The following ITGBL1 variants were observed in gnomAD, a reference collection of about 807,000 sequenced individuals.
The protein encoded by ITGBL1 is integrin beta-like protein 1.
ITGBL1 carries 51 observed loss-of-function variants against 68.5 expected under a neutral mutation model. The observed-to-expected ratio is 0.74, with a 90% CI of 0.59 to 0.94. ITGBL1 has a LOEUF of 0.94. Among genes scored for constraint, ITGBL1 ranks in the 40% least tolerant of loss-of-function variants. The pLI is 0.00. For missense variants in ITGBL1, 649 were observed against 647.4 expected, an observed-to-expected ratio of 1.00 and a Z score of -0.03; for synonymous variants, 209 against 227.3, an observed-to-expected ratio of 0.92 and a Z score of 0.72.
At chr13:101,619,790 T>G (rs528302543) in intron 7 of ITGBL1, among the ~76,000 whole-genome samples, 2 of 152,208 alleles carry the variant, frequency 1.3e-5, no homozygotes, top group African/African-American at 4.8e-5. Flanking sequence ...AAAAGAATTA[T>G]GTATAAAAGA....
chr13:101,581,931 A>G (rs2050464625), intron 5 of ITGBL1, among the ~76,000 whole-genome samples: 1 of 152,284 alleles, frequency 6.6e-6, no homozygotes, highest in East Asian at 1.9e-4. Flanking sequence ...CCGAGTCTGG[A>G]TCCAACAATA....
intron 2 of ITGBL1, among the ~76,000 whole-genome samples, chr13:101,559,310 G>C (rs1297211829): frequency 6.6e-6 from 1 of 152,112 alleles, no homozygotes. Context: ...ATATAGTATG[G>C]GATTTTGCAG....
intron 6 of ITGBL1, among the ~76,000 whole-genome samples, chr13:101,594,700 T>G (rs2050713718): frequency 6.6e-6 from 1 of 152,184 alleles, no homozygotes; most frequent in African/African-American, 2.4e-5. Flanking sequence ...GGGGTTAATA[T>G]TCAAAATATA....
At chr13:101,608,372 C>CT (rs34696802) in intron 7 of ITGBL1, among the ~76,000 whole-genome samples, 3,432 of 144,008 alleles carry the variant, frequency 0.024, 47 homozygotes, top group East Asian at 0.11. Flanking sequence ...GCTTTCTTTC[C>CT]TTTTTTTTTT....
intron 7 of ITGBL1, among the ~76,000 whole-genome samples, chr13:101,665,247 T>C (rs1274727084): frequency 6.6e-6 from 1 of 152,194 alleles, no homozygotes; most frequent in Non-Finnish European, 1.5e-5. Flanking sequence ...TTGACAGAAT[T>C]GACAGCATTG....
At chr13:101,579,576 C>A in intron 5 of ITGBL1, 149 bp downstream of exon 5, 3 of 836,412 alleles carry the variant, frequency 3.6e-6, no homozygotes, top group Non-Finnish European at 5.5e-6. Flanking sequence ...ACTATCCCAA[C>A]AATCTTTTCT....
At chr13:101,534,528 T>C (rs2049537457) in intron 2 of ITGBL1, among the ~76,000 whole-genome samples, 1 of 152,016 alleles carries the variant, frequency 6.6e-6, no homozygotes, top group Non-Finnish European at 1.5e-5. Flanking sequence ...CTGTTTCCTC[T>C]AAAAATGGAA....
At chr13:101,495,464 CT>C (rs985347612) in intron 2 of ITGBL1, among the ~76,000 whole-genome samples, 4 of 152,158 alleles carry the variant, frequency 2.6e-5, no homozygotes, top group Admixed American at 1.3e-4. Flanking sequence ...TTGTTCTCAT[CT>C]CATCCCCTCA....
At chr13:101,710,470 C>G (rs1242857391) in intron 9 of ITGBL1, among the ~76,000 whole-genome samples, 1 of 152,130 alleles carries the variant, frequency 6.6e-6, no homozygotes, top group Non-Finnish European at 1.5e-5. Flanking sequence ...ACCCTGAGAA[C>G]CACAGGAAAA....
Position 101,716,203 on chromosome 13 carries a change from A to G in ITGBL1, c.*549A>G, listed in dbSNP as rs1011420903. 4 of 152,264 alleles carry G rather than the reference A, an allele frequency of 2.6e-5. No individual in the cohort carries two copies. Among genetic ancestry groups the G allele is most frequent in the African/African-American group, 9.7e-5 (4 of 41,446 alleles). 9.4% of individuals were successfully genotyped at this position (152,264 alleles called of 1,614,324 possible). A position where few individuals can be genotyped will look rare whatever the true frequency, so the allele number is the denominator to read the frequency against. On this transcript the variant is annotated 3_prime_UTR_variant, in exon 11 of 11. Transcript: ENST00000376180. ...TAATTAATCGATCAGATTTTTCCAG[A>G]ATTCCGTATCAGTCACCATTTTAAT...
At chr13:101,676,747 A>C (rs1427844852) in intron 7 of ITGBL1, among the ~76,000 whole-genome samples, 1 of 152,206 alleles carries the variant, frequency 6.6e-6, no homozygotes, top group East Asian at 1.9e-4. Flanking sequence ...AAAAATTCCA[A>C]TAGGACTTTA....
chr13:101,687,996 T>C (rs2033794620), intron 7 of ITGBL1, among the ~76,000 whole-genome samples: 1 of 152,102 alleles, frequency 6.6e-6, no homozygotes, highest in South Asian at 2.1e-4. Context: ...TAATTTGGTA[T>C]TGATTTCAGA....
Position 101,567,703 on chromosome 13 carries a change from T to A in ITGBL1, c.321T>A (p.His107Gln). The change falls in exon 3 of 11, where the codon CAT becomes CAA. Residue 107 changes from histidine (H) to glutamine (Q), a missense_variant. Physicochemically the swap from His to Gln is conservative, Grantham distance 24 (BLOSUM62 0). Transcript: ENST00000376180. ...TAGATGTTGTTCAATCCCCAGGCCA[T>A]GGTAAGTGTGACTGTGGCAAGTGCA... ...ETYDGSTCAG[H>Q]GKCDCGKCKC... The A allele has an allele frequency of 6.2e-7, 1 of 1,612,758 alleles. No homozygotes were observed. Among genetic ancestry groups the A allele is most frequent in the Non-Finnish European group, 8.5e-7 (1 of 1,179,232 alleles).
Position 101,453,892 on chromosome 13 carries a change from G to C in ITGBL1, c.108G>C (p.Pro36=), listed in dbSNP as rs1017422336. Residue 36 remains proline, a synonymous_variant, in exon 2 of 11, where the codon CCG becomes CCC. Coordinates refer to ENST00000376180, the MANE Select transcript of ITGBL1 (RefSeq NM_004791.3). ...QSFSPSLRSW[P]GAACRLSRAE... is the part of the protein sequence containing the mutation. ...CTTGTCGCCCGCGCAGGAGCTGGCC[G>C]GGCGCCGCCTGCAGGCTGTCCCGGG... 8.8e-6 allele frequency: 11 copies of C among 1,246,496 alleles called. No individual in the cohort carries two copies. Among genetic ancestry groups the C allele is most frequent in the Non-Finnish European group, 1.0e-5 (10 of 996,430 alleles). 77.2% of individuals were successfully genotyped at this position (1,246,496 alleles called of 1,614,324 possible). A position where few individuals can be genotyped will look rare whatever the true frequency, so the allele number is the denominator to read the frequency against.
intron 7 of ITGBL1, among the ~76,000 whole-genome samples, chr13:101,615,945 T>G (rs2031341711): frequency 6.6e-6 from 1 of 152,186 alleles, no homozygotes; most frequent in African/African-American, 2.4e-5. Flanking sequence ...TGGCTTGATC[T>G]TGGACTTCCC....
chr13:101,559,300 A>T (rs2050062415), intron 2 of ITGBL1, among the ~76,000 whole-genome samples: 1 of 152,140 alleles, frequency 6.6e-6, no homozygotes, highest in Non-Finnish European at 1.5e-5. Context: ...ATAATTGAGG[A>T]TATAGTATGG....
chr13:101,466,860 T>C (rs2048388585), intron 2 of ITGBL1, among the ~76,000 whole-genome samples: 1 of 152,178 alleles, frequency 6.6e-6, no homozygotes, highest in Non-Finnish European at 1.5e-5. Flanking sequence ...CTTTAGAATT[T>C]GTTGCAGGGT....
chr13:101,582,435 A>G (rs991489129), intron 5 of ITGBL1, among the ~76,000 whole-genome samples: 16 of 152,168 alleles, frequency 1.1e-4, no homozygotes, highest in African/African-American at 3.1e-4. Context: ...TTATGTCTCT[A>G]TCAAATGATT....
intron 2 of ITGBL1, among the ~76,000 whole-genome samples, chr13:101,467,713 T>C (rs949018852): frequency 4.6e-5 from 7 of 152,176 alleles, no homozygotes; most frequent in African/African-American, 1.2e-4. Flanking sequence ...AACCCCACTC[T>C]TAGGTTATAC....
Sources: allele counts gnomAD v4.1 joint callset (sites outside exome capture counted in the v4.1 genomes callset), GRCh38; gene constraint gnomAD v4.1.1; transcripts MANE v1.5; gene names NCBI Gene and HGNC (gene_info 2026-07-23, HGNC 2026-07-21).